Variants in RANBP2 observed in about 807,000 individuals in gnomAD.
RANBP2 encodes RAN binding protein 2, also known as E3 SUMO-protein ligase RanBP2.
RANBP2 carries 57 observed loss-of-function variants against 303.6 expected under a neutral mutation model. The ratio of observed to expected loss-of-function variants is 0.19; its 90% confidence interval spans 0.15 to 0.23. The LOEUF (loss-of-function observed/expected upper bound fraction) is 0.23. RANBP2 is among the 10% of genes least tolerant of loss of function. RANBP2 has a pLI of 1.00. For missense variants in RANBP2, 3,138 were observed against 3,780.8 expected (o/e 0.83, Z 4.46); for synonymous variants, 1,167 against 1,301.5 (o/e 0.90, Z 2.23).
the RANBP2 span, among the ~76,000 whole-genome samples, chr2:108,958,371 T>G: frequency 7.1e-6 from 1 of 141,770 alleles, no homozygotes; most frequent in Non-Finnish European, 1.5e-5. Context: ...TTGCTATCAC[T>G]TTCATTAATA....
intron 20 of RANBP2, among the ~76,000 whole-genome samples, chr2:108,770,760 C>T (rs1483414327): frequency 1.3e-5 from 2 of 152,164 alleles, no homozygotes; most frequent in Non-Finnish European, 2.9e-5. Context: ...ATTTTAACTT[C>T]TAATTAATAT....
Position 108,737,327 on chromosome 2 carries a change from C to T in RANBP2, c.782+1078C>T, listed in dbSNP as rs1328663805. Among the ~76,000 whole-genome samples, 43 of 139,146 alleles carry T rather than the reference C, an allele frequency of 3.1e-4. No homozygotes were observed. The East Asian group carries it at 4.6e-3, about 15-fold the overall frequency. The allele number at this position is 139,146 out of a possible 152,430, so 91.3% of individuals were successfully genotyped here. On this transcript the variant is annotated intron_variant, in intron 6 of 28. Transcript: ENST00000283195. ...TGTATGTGGGTTCCTTTTTTTCTTTCTTTCTTTCTTTTTTTTTTTTTTGTT... is the reference window on the plus strand; with the variant it reads ...TGTATGTGGGTTCCTTTTTTTCTTTTTTTCTTTCTTTTTTTTTTTTTTGTT...
At chr2:109,654,523 C>G in the RANBP2 span, among the ~76,000 whole-genome samples, 1 of 151,972 alleles carries the variant, frequency 6.6e-6, no homozygotes, top group African/African-American at 2.4e-5. Context: ...TACTGCCATA[C>G]GCCTCATTAC....
chr2:108,930,370 G>A, the RANBP2 span: 2 of 988,116 alleles, frequency 2.0e-6, no homozygotes, highest in Non-Finnish European at 3.2e-6. Flanking sequence ...GCTCGGTCTG[G>A]GAAGGTGCCC....
chr2:108,891,278 T>A, the RANBP2 span, among the ~76,000 whole-genome samples: 1 of 152,238 alleles, frequency 6.6e-6, no homozygotes, highest in Admixed American at 6.5e-5. Flanking sequence ...TCTGCACATC[T>A]GGTGTAACTG....
At chr2:109,489,985 A>G in the RANBP2 span, among the ~76,000 whole-genome samples, 2 of 152,152 alleles carry the variant, frequency 1.3e-5, no homozygotes, top group Non-Finnish European at 2.9e-5. Flanking sequence ...TGATCTGCCC[A>G]CCTTGGCCTC....
the RANBP2 span, among the ~76,000 whole-genome samples, chr2:109,472,447 C>T: frequency 6.6e-6 from 1 of 152,120 alleles, no homozygotes; most frequent in South Asian, 2.1e-4. Context: ...GGCTTCCCGA[C>T]GGGGCTTCCC....
At chr2:109,621,247 G>A in the RANBP2 span, among the ~76,000 whole-genome samples, 16 of 152,208 alleles carry the variant, frequency 1.1e-4, no homozygotes, top group African/African-American at 3.6e-4. Flanking sequence ...CTGCCTCTCC[G>A]GTTCAAGCGA....
chr2:109,117,650 G>A, the RANBP2 span, among the ~76,000 whole-genome samples: 8 of 152,168 alleles, frequency 5.3e-5, no homozygotes, highest in East Asian at 7.7e-4. Context: ...ACTGTCCTGC[G>A]CCCACTGTCT....
At chr2:109,078,096 A>ATATATATATATATATATAGCGTG in the RANBP2 span, among the ~76,000 whole-genome samples, 4 of 54,634 alleles carry the variant, frequency 7.3e-5, no homozygotes, top group South Asian at 8.9e-4. Flanking sequence ...ATATATATAT[A>ATATATATATATATATATAGCGTG]TATATATATA....
chr2:109,457,560 C>T, the RANBP2 span, among the ~76,000 whole-genome samples: 8 of 152,328 alleles, frequency 5.3e-5, no homozygotes, highest in Middle Eastern at 3.4e-3. Context: ...TAGTGCCACA[C>T]GAGCTGAACA....
chr2:109,570,139 A>G, the RANBP2 span, among the ~76,000 whole-genome samples: 5 of 152,184 alleles, frequency 3.3e-5, no homozygotes, highest in East Asian at 1.9e-4. Context: ...CTTCCTGTCT[A>G]GTTTGTACAA....
chr2:109,141,163 G>A, the RANBP2 span, among the ~76,000 whole-genome samples: 76 of 152,224 alleles, frequency 5.0e-4, 1 homozygote, highest in African/African-American at 1.5e-3. Flanking sequence ...AGGTTTCTGC[G>A]GATTCCTCTC....
At chr2:108,722,550 T>C (rs1211381184) in intron 1 of RANBP2, among the ~76,000 whole-genome samples, 3 of 151,256 alleles carry the variant, frequency 2.0e-5, no homozygotes, top group Non-Finnish European at 4.4e-5. Flanking sequence ...ATGATGCGTC[T>C]GTATATCATA....
chr2:109,726,720 AG>A, the RANBP2 span, among the ~76,000 whole-genome samples: 7 of 152,182 alleles, frequency 4.6e-5, no homozygotes, highest in Non-Finnish European at 1.0e-4. Context: ...GGGCTGAAAC[AG>A]GGCTAAATGT....
the RANBP2 span, among the ~76,000 whole-genome samples, chr2:109,654,181 C>T: frequency 1.3e-5 from 2 of 151,938 alleles, no homozygotes; most frequent in Non-Finnish European, 2.9e-5. Flanking sequence ...ATCCAAATGT[C>T]CCCATCTCAA....
chr2:109,537,635 G>A, the RANBP2 span, among the ~76,000 whole-genome samples: 1 of 152,006 alleles, frequency 6.6e-6, no homozygotes, highest in Admixed American at 6.6e-5. Context: ...TAAATTTGGT[G>A]GCTTAAAGTA....
chr2:108,960,795 TGA>T, the RANBP2 span, among the ~76,000 whole-genome samples: 1 of 152,194 alleles, frequency 6.6e-6, no homozygotes, highest in Non-Finnish European at 1.5e-5. Context: ...TATCGTATAT[TGA>T]GTTTTGTATC....
intron 4 of RANBP2, chr2:108,731,891 A>C (rs1365743878): frequency 2.0e-5 from 4 of 196,008 alleles, no homozygotes; most frequent in African/African-American, 9.6e-5. Flanking sequence ...TGAGATAGTA[A>C]GGTTTTCAAG....
Sources: allele counts gnomAD v4.1 joint callset (sites outside exome capture counted in the v4.1 genomes callset), GRCh38; gene constraint gnomAD v4.1.1; transcripts MANE v1.5; gene names NCBI Gene and HGNC (gene_info 2026-07-23, HGNC 2026-07-21).